TRPC4AP: variants seen among roughly 807,000 people sequenced by gnomAD.
TRPC4AP encodes the protein transient receptor potential cation channel subfamily C member 4 associated protein.
A neutral mutation model predicts 99.0 loss-of-function variants in TRPC4AP; 45 were observed. The ratio of observed to expected loss-of-function variants is 0.45; its 90% CI spans 0.36 to 0.58. The LOEUF (loss-of-function observed/expected upper bound fraction) is 0.58. Ranked by LOEUF, TRPC4AP falls within the 20% of genes least tolerant of loss-of-function variation. The pLI is 0.00. For missense variants in TRPC4AP, 879 were observed against 985.3 expected (o/e 0.89, Z 1.44); for synonymous variants, 408 against 385.8 (o/e 1.06, Z -0.67).
At chr20:35,054,476 A>C (rs1377796039) in intron 5 of TRPC4AP, among the ~76,000 whole-genome samples, 1 of 152,212 alleles carries the variant, frequency 6.6e-6, no homozygotes, top group Non-Finnish European at 1.5e-5. Context: ...GCCAGAACAC[A>C]AAATCAGGTC....
At chr20:35,021,126 G>A (rs1325904619) in intron 9 of TRPC4AP, 64 bp downstream of exon 9, 2 of 1,558,604 alleles carry the variant, frequency 1.3e-6, no homozygotes, top group African/African-American at 2.7e-5. Context: ...GGAGCACCTG[G>A]CATACCATGA....
intron 5 of TRPC4AP, among the ~76,000 whole-genome samples, chr20:35,054,057 C>T (rs542326991): frequency 3.9e-5 from 6 of 152,218 alleles, no homozygotes; most frequent in South Asian, 4.1e-4. Flanking sequence ...CCTGGCTATA[C>T]GTTATGTCCC....
At chr20:35,029,989 C>A (rs1300301336) in intron 8 of TRPC4AP, among the ~76,000 whole-genome samples, 3 of 144,592 alleles carry the variant, frequency 2.1e-5, no homozygotes, top group Non-Finnish European at 4.5e-5. Flanking sequence ...TACCCGTAAT[C>A]CCAGCACTTT....
chr20:35,086,565 G>GTT (rs2084885102), intron 1 of TRPC4AP, among the ~76,000 whole-genome samples: 1 of 105,386 alleles, frequency 9.5e-6, no homozygotes, highest in Non-Finnish European at 1.9e-5. Flanking sequence ...GTGTGTGTGT[G>GTT]TGTGTGTGTG....
chr20:35,012,208 T>C (rs760335594), intron 11 of TRPC4AP, among the ~76,000 whole-genome samples: 7 of 152,258 alleles, frequency 4.6e-5, no homozygotes, highest in Non-Finnish European at 7.3e-5. Context: ...GTGCATATGA[T>C]GGAGGTGCCC....
intron 2 of TRPC4AP, among the ~76,000 whole-genome samples, chr20:35,074,456 C>T (rs746368649): frequency 1.6e-4 from 24 of 152,102 alleles, no homozygotes; most frequent in Non-Finnish European, 2.9e-4. Flanking sequence ...TCCCAGAGAT[C>T]CTGGTATGTC....
intron 1 of TRPC4AP, among the ~76,000 whole-genome samples, chr20:35,088,802 G>A (rs565852529): frequency 6.6e-6 from 1 of 152,096 alleles, no homozygotes; most frequent in African/African-American, 2.4e-5. Context: ...GATGATCCTT[G>A]AGGACATTAT....
chr20:35,028,789 T>C (rs930294631), intron 8 of TRPC4AP, among the ~76,000 whole-genome samples: 26 of 152,236 alleles, frequency 1.7e-4, no homozygotes, highest in Non-Finnish European at 2.9e-4. Flanking sequence ...GCTGTTGTTT[T>C]TGAACTACTG....
intron 2 of TRPC4AP, among the ~76,000 whole-genome samples, chr20:35,070,872 GA>G (rs1318093223): frequency 2.0e-5 from 3 of 151,592 alleles, no homozygotes; most frequent in East Asian, 3.9e-4. Flanking sequence ...AAGCTAAGAG[GA>G]AAAAAAATCT....
At chr20:35,057,295 C>T (rs562877318) in intron 4 of TRPC4AP, among the ~76,000 whole-genome samples, 1 of 152,250 alleles carries the variant, frequency 6.6e-6, no homozygotes, top group East Asian at 1.9e-4. Context: ...ATCAAAAGTA[C>T]AAAGATGCAT....
intron 7 of TRPC4AP, among the ~76,000 whole-genome samples, chr20:35,040,465 G>C (rs753912036): frequency 2.6e-5 from 4 of 152,182 alleles, no homozygotes; most frequent in Non-Finnish European, 5.9e-5. Flanking sequence ...TGGTCTCTGA[G>C]ACTTGCACCA....
intron 17 of TRPC4AP, among the ~76,000 whole-genome samples, chr20:35,003,881 A>C (rs757091620): frequency 6.6e-6 from 1 of 152,156 alleles, no homozygotes; most frequent in Admixed American, 6.5e-5. Flanking sequence ...ACCTGGGCTC[A>C]AGCATCACTC....
At chr20:35,053,801 T>C (rs1447551602) in intron 5 of TRPC4AP, among the ~76,000 whole-genome samples, 1 of 152,242 alleles carries the variant, frequency 6.6e-6, no homozygotes, top group Non-Finnish European at 1.5e-5. Context: ...GAATTTATCA[T>C]TAAAATTAAC....
At chr20:35,032,631 C>T (rs2083228282) in intron 8 of TRPC4AP, among the ~76,000 whole-genome samples, 1 of 151,828 alleles carries the variant, frequency 6.6e-6, no homozygotes, top group African/African-American at 2.4e-5. Context: ...TGCCACCACG[C>T]CCAGCTAATT....
Position 35,049,970 on chromosome 20 carries a change from C to T in TRPC4AP, c.553G>A (p.Ala185Thr), listed in dbSNP as rs1445817510. The T allele has an allele frequency of 2.5e-6, 4 of 1,613,802 alleles. No homozygotes were observed. The Admixed American group carries it at 6.7e-5, about 27-fold the overall frequency. Residue 185 changes from alanine (A) to threonine (T), a missense_variant, in exon 6 of 19, where the codon GCA (alanine) becomes ACA (threonine). This residue lies in a region of TRPC4AP where 603 missense variants were observed against 631.8 expected (regional missense o/e 0.95). Transcript: ENST00000252015. ...AAGATCACAAAGTCATTCTTTTCTG[C>T]CAAACGCTTTGTAACTCCCTCTGTC... is the stretch of plus-strand genomic sequence containing the variant. The part of the protein sequence containing the change: ...VCTEGVTKRL[A>T]EKNDFVIFLF...
intron 7 of TRPC4AP, among the ~76,000 whole-genome samples, chr20:35,040,092 C>T (rs1216102056): frequency 6.6e-6 from 1 of 151,918 alleles, no homozygotes; most frequent in African/African-American, 2.4e-5. Flanking sequence ...ACCCCCCGCG[C>T]CCCCACAAAT....
At chr20:35,065,077 G>T (rs944541986) in intron 3 of TRPC4AP, among the ~76,000 whole-genome samples, 5 of 152,150 alleles carry the variant, frequency 3.3e-5, no homozygotes, top group Non-Finnish European at 7.4e-5. Flanking sequence ...CAAGTAAGAC[G>T]TAAGATGCTC....
At chr20:35,046,484 T>C (rs1030818846) in intron 6 of TRPC4AP, among the ~76,000 whole-genome samples, 8 of 152,242 alleles carry the variant, frequency 5.3e-5, no homozygotes, top group Admixed American at 1.3e-4. Context: ...CCTGCATCTA[T>C]TTCCCAAATA....
intron 3 of TRPC4AP, among the ~76,000 whole-genome samples, chr20:35,062,769 G>GT (rs2084039608): frequency 6.6e-6 from 1 of 152,080 alleles, no homozygotes; most frequent in Non-Finnish European, 1.5e-5. Flanking sequence ...ATCAATTGTG[G>GT]TGACAGTGGT....
Sources: gnomAD v4.1 joint callset for allele counts (sites outside exome capture counted in the v4.1 genomes callset) on GRCh38, gnomAD v4.1.1 for gene constraint, gnomAD v4.1.1 regional missense constraint, MANE v1.5 for transcripts, NCBI Gene and HGNC (gene_info 2026-07-23, HGNC 2026-07-21) for gene names.